Variants in ELOVL7 observed in about 807,000 individuals in gnomAD.
ELOVL7 encodes ELOVL fatty acid elongase 7, also known as very long chain fatty acid elongase 7.
Under a neutral mutation model 35.7 loss-of-function variants are expected in ELOVL7, and 27 were observed. The observed-to-expected ratio is 0.76, with a 90% confidence interval of 0.56 to 1.04. ELOVL7 has a LOEUF of 1.04. ELOVL7 is among the 50% of genes least tolerant of loss of function. The pLI, the probability that ELOVL7 is intolerant of heterozygous loss-of-function variation, is 0.00. For missense variants in ELOVL7, 327 were observed against 340.8 expected (o/e 0.96, Z 0.32); for synonymous variants, 113 against 114.6 (o/e 0.99, Z 0.09).
At chr5:60,784,305 A>C (rs1743436514) in intron 3 of ELOVL7, 1 of 448,164 alleles carries the variant, frequency 2.2e-6, no homozygotes, top group African/African-American at 1.9e-5. Flanking sequence ...ATCTTCTTGC[A>C]AAAAAAGGAT....
chr5:60,833,488 G>A (rs918622278), intron 1 of ELOVL7, among the ~76,000 whole-genome samples: 2 of 151,900 alleles, frequency 1.3e-5, no homozygotes, highest in Non-Finnish European at 2.9e-5. Context: ...TGTGTTGGCC[G>A]CCTCCTTTTC....
At chr5:60,799,449 G>GA (rs1272679796) in intron 1 of ELOVL7, among the ~76,000 whole-genome samples, 1 of 151,126 alleles carries the variant, frequency 6.6e-6, no homozygotes, top group East Asian at 1.9e-4. Context: ...CTGCACGAAG[G>GA]AAAAAAAAGA....
At chr5:60,763,296 G>C (rs555083711) in intron 7 of ELOVL7, among the ~76,000 whole-genome samples, 26 of 152,250 alleles carry the variant, frequency 1.7e-4, no homozygotes, top group African/African-American at 6.3e-4. Context: ...CCTGACACGG[G>C]CTTATCCATG....
rs1427343582 is a variant in ELOVL7, at chr5:60,797,457, A to C, written c.-35+1723T>G. On this transcript the variant is annotated intron_variant, in intron 2 of 8. Transcript: ENST00000508821. The stretch of plus-strand genomic sequence containing the variant: ...AGTTTTGTCTTAGCTTTTGGGTTAC[A>C]AAAGCTTAGGCACTTAGCCATACAG... Among the ~76,000 whole-genome samples the C allele has an allele frequency of 9.2e-5, 14 of 152,240 alleles. No individual in the cohort carries two copies. In the East Asian group the frequency reaches 2.7e-3, roughly 29 times the overall value.
chr5:60,759,299 A>C (rs2112128720), intron 7 of ELOVL7, among the ~76,000 whole-genome samples: 1 of 152,346 alleles, frequency 6.6e-6, no homozygotes, highest in East Asian at 1.9e-4. Context: ...TAAGCGTATT[A>C]ACAACTTTCC....
intron 8 of ELOVL7, among the ~76,000 whole-genome samples, chr5:60,757,023 A>C (rs1245536041): frequency 6.6e-6 from 1 of 152,130 alleles, no homozygotes; most frequent in Non-Finnish European, 1.5e-5. Flanking sequence ...TAGGTAATAC[A>C]TATATGTTGG....
At position 60,767,815 on chromosome 5, in the gene ELOVL7, A is replaced by C. The variant is rs1442790098; in HGVS notation, c.336+8T>G. 10 of 1,610,634 alleles carry C rather than the reference A, an allele frequency of 6.2e-6. No individual in the cohort carries two copies. In the African/African-American group the frequency reaches 1.3e-4, roughly 22 times the overall value. ...TTGAATTTCAAGTTTTTCCAAAGAG[A>C]AACTTACCCTCAAAGCTGTGGGTGA... is the stretch of plus-strand genomic sequence containing the variant. On this transcript the variant is annotated splice_region_variant and intron_variant, in intron 5 of 8. Transcript: ENST00000508821.
intron 4 of ELOVL7, among the ~76,000 whole-genome samples, chr5:60,770,924 T>A (rs944838912): frequency 1.3e-5 from 2 of 152,166 alleles, no homozygotes; most frequent in Non-Finnish European, 2.9e-5. Flanking sequence ...GGTCTCAAAC[T>A]CCTGGGCCCA....
chr5:60,763,573 CT>C (rs1253912556), intron 7 of ELOVL7, among the ~76,000 whole-genome samples: 2 of 152,062 alleles, frequency 1.3e-5, no homozygotes, highest in Non-Finnish European at 2.9e-5. Context: ...CTATTTAAAA[CT>C]GTATAATAGG....
chr5:60,824,670 A>T (rs915672406), intron 1 of ELOVL7, among the ~76,000 whole-genome samples: 1 of 152,212 alleles, frequency 6.6e-6, no homozygotes, highest in Non-Finnish European at 1.5e-5. Context: ...CTAGAATCCA[A>T]CTACTTTACT....
intron 3 of ELOVL7, among the ~76,000 whole-genome samples, chr5:60,781,421 G>T (rs925825959): frequency 6.6e-6 from 1 of 151,994 alleles, no homozygotes; most frequent in Non-Finnish European, 1.5e-5. Flanking sequence ...CTGAATGAGA[G>T]ATATATTTTA....
At chr5:60,813,975 G>A (rs1745381820) in intron 1 of ELOVL7, among the ~76,000 whole-genome samples, 1 of 152,106 alleles carries the variant, frequency 6.6e-6, no homozygotes, top group Non-Finnish European at 1.5e-5. Context: ...TGGGAACTTT[G>A]CCACTGTGTG....
intron 2 of ELOVL7, among the ~76,000 whole-genome samples, chr5:60,795,078 C>T (rs965634193): frequency 6.6e-6 from 1 of 152,164 alleles, no homozygotes; most frequent in African/African-American, 2.4e-5. Flanking sequence ...CCTTCAAATG[C>T]AGAAGCTGTT....
Position 60,834,165 on chromosome 5 carries a change from G to A in ELOVL7, c.-86+9995C>T, listed in dbSNP as rs547971763. Among the ~76,000 whole-genome samples the A allele has an allele frequency of 4.0e-5, 6 of 151,138 alleles. 1 individual carries two copies. Among genetic ancestry groups the A allele is most frequent in the Admixed American group, 2.0e-4 (3 of 15,234 alleles). ...TCACATTATTTTTTTTTTTTGAGAC[G>A]GAGTCTCGCTCTGTCGCCCAGGCTG... On this transcript the variant is annotated intron_variant, in intron 1 of 8. Coordinates refer to ENST00000508821, the MANE Select transcript of ELOVL7 (RefSeq NM_024930.3).
At chr5:60,836,014 G>A (rs767314764) in intron 1 of ELOVL7, among the ~76,000 whole-genome samples, 4 of 152,010 alleles carry the variant, frequency 2.6e-5, no homozygotes, top group Non-Finnish European at 5.9e-5. Flanking sequence ...GGGAAATGAA[G>A]AGCATAGGCT....
In ELOVL7 at chr5:60,802,061, CATATATATATATATATAT is replaced by C. The variant is rs59849955; in HGVS notation, c.-85-2849_-85-2832del. Among the ~76,000 whole-genome samples the C allele has an allele frequency of 3.1e-3, 237 of 77,320 alleles. 3 individuals carry two copies. The highest frequency in any genetic ancestry group is 0.024 in the South Asian group (43 of 1,818). The allele number at this position is 77,320 out of a possible 152,430, so 50.7% of individuals were successfully genotyped here. On this transcript the variant is annotated intron_variant, in intron 1 of 8. Transcript: ENST00000508821. ...GAGCCAATTCTCCCTAATAAACTCT[CATATATATATATATATAT>C]ATATATATATATATATATATATATA...
rs529153070 is a variant in ELOVL7 at position 60,781,037 on chromosome 5, C to CTG, written c.64+6295_64+6296dup. Among the ~76,000 whole-genome samples the CTG allele has an allele frequency of 2.0e-3, 302 of 152,212 alleles. 3 individuals are homozygous for CTG. The highest frequency in any genetic ancestry group is 7.2e-3 in the African/African-American group (298 of 41,540). On this transcript the variant is annotated intron_variant, in intron 3 of 8. Coordinates refer to ENST00000508821, the MANE Select transcript of ELOVL7 (RefSeq NM_024930.3). ...CCAGCCTGGCCAACATGGTGAAACC[C>CTG]TGTCTCTACGAAAAATACAAAAATT...
In ELOVL7 at chr5:60,842,355, G is replaced by A. The variant is rs77039335; in HGVS notation, c.-86+1805C>T. Among the ~76,000 whole-genome samples the A allele has an allele frequency of 3.1e-4, 47 of 152,138 alleles. No individual in the cohort carries two copies. The East Asian group carries it at 6.4e-3, about 21-fold the overall frequency. Reference sequence around the variant, plus strand: ...TCTGGAGCTGTTTTGGGGAAAAGCCGGGCAAGTCCAAGCGGAATATTATAA... The same window carrying A: ...TCTGGAGCTGTTTTGGGGAAAAGCCAGGCAAGTCCAAGCGGAATATTATAA... On this transcript the variant is annotated intron_variant, in intron 1 of 8. Coordinates refer to ENST00000508821, the MANE Select transcript of ELOVL7 (RefSeq NM_024930.3).
At position 60,800,030 on chromosome 5, in the gene ELOVL7, CAAAAAAAAA is replaced by C. The variant is rs58041305; in HGVS notation, c.-85-809_-85-801del. 4.6e-5 allele frequency among the ~76,000 whole-genome samples: 4 copies of C among 86,192 alleles called. 1 individual carries two copies. The South Asian group carries it at 1.8e-3, about 39-fold the overall frequency. 56.5% of individuals were successfully genotyped at this position (86,192 alleles called of 152,430 possible). On this transcript the variant is annotated intron_variant, in intron 1 of 8. Coordinates refer to ENST00000508821, the MANE Select transcript of ELOVL7 (RefSeq NM_024930.3). ...CCAGCCTGGGCTCAAAACTCCATCT[CAAAAAAAAA>C]AAAAAAAAAAAAAAAGTATAACTAA...
Sources: allele counts gnomAD v4.1 joint callset (sites outside exome capture counted in the v4.1 genomes callset), GRCh38; gene constraint gnomAD v4.1.1; transcripts MANE v1.5; gene names NCBI Gene and HGNC (gene_info 2026-07-23, HGNC 2026-07-21).